The following AASS variants were observed in gnomAD, a reference collection of about 807,000 sequenced individuals.
The protein encoded by AASS is aminoadipate-semialdehyde synthase, also known as alpha-aminoadipic semialdehyde synthase, mitochondrial.
In AASS, 86 loss-of-function variants were observed where a neutral mutation model predicts 105.4. The ratio of observed to expected loss-of-function variants is 0.82; its 90% CI spans 0.69 to 0.98. The LOEUF is 0.98. AASS is among the 50% of genes least tolerant of loss of function. AASS has a pLI of 0.00. For missense variants in AASS, 1,048 were observed against 1,143.2 expected, an observed-to-expected ratio of 0.92 and a Z score of 1.20; for synonymous variants, 381 against 394.8, an observed-to-expected ratio of 0.96 and a Z score of 0.41.
intron 1 of AASS, among the ~76,000 whole-genome samples, chr7:122,134,595 A>G (rs10488107): frequency 0.22 from 33,908 of 151,920 alleles, 4,015 homozygotes; most frequent in African/African-American, 0.31. Context: ...CCACAAGATC[A>G]TTTTTTCTAG....
chr7:122,089,215 T>A (rs1793780431), intron 18 of AASS, among the ~76,000 whole-genome samples: 1 of 152,096 alleles, frequency 6.6e-6, no homozygotes, highest in Admixed American at 6.6e-5. Context: ...AGAAACAGAC[T>A]GATACACTTG....
chr7:122,083,150 C>G (rs1382141103), intron 19 of AASS, among the ~76,000 whole-genome samples: 1 of 152,126 alleles, frequency 6.6e-6, no homozygotes, highest in East Asian at 1.9e-4. Context: ...TACTGAATGT[C>G]TGGCCAACTA....
chr7:122,087,919 G>A (rs1467706289), intron 18 of AASS, among the ~76,000 whole-genome samples: 2 of 152,148 alleles, frequency 1.3e-5, no homozygotes, highest in Non-Finnish European at 2.9e-5. Flanking sequence ...AGAAATGTCA[G>A]CTGAATGGCA....
chr7:122,086,802 C>T (rs1793649523), intron 18 of AASS, among the ~76,000 whole-genome samples: 1 of 152,134 alleles, frequency 6.6e-6, no homozygotes, highest in Non-Finnish European at 1.5e-5. Context: ...ACTATCTATG[C>T]ATTGAAGATC....
chr7:122,122,117 AT>A (rs1795466019), intron 4 of AASS, among the ~76,000 whole-genome samples: 1 of 152,046 alleles, frequency 6.6e-6, no homozygotes, highest in South Asian at 2.1e-4. Flanking sequence ...TAGCAAGACA[AT>A]TATGATGGTT....
chr7:122,093,364 G>T (rs1412022252), intron 15 of AASS, among the ~76,000 whole-genome samples: 1 of 152,164 alleles, frequency 6.6e-6, no homozygotes, highest in Non-Finnish European at 1.5e-5. Context: ...AAGAGCTAAA[G>T]GTTGAACTAT....
intron 4 of AASS, among the ~76,000 whole-genome samples, chr7:122,120,915 G>A (rs1436022814): frequency 6.6e-6 from 1 of 151,922 alleles, no homozygotes; most frequent in East Asian, 1.9e-4. Flanking sequence ...AATACATACT[G>A]TATGATTTCA....
At chr7:122,081,623 T>A (rs1230269009) in intron 19 of AASS, 28 bp from the exon 20 acceptor site, 3 of 1,537,576 alleles carry the variant, frequency 2.0e-6, no homozygotes, top group East Asian at 2.2e-5. Context: ...AAGCAGTATA[T>A]AAAATTTTTC....
intron 13 of AASS, 140 bp from the exon 14 acceptor site, chr7:122,099,006 T>C: frequency 2.1e-6 from 2 of 938,064 alleles, no homozygotes; most frequent in Non-Finnish European, 3.0e-6. Context: ...TTACTTAAAA[T>C]AAGAATTTCA....
In AASS at chr7:122,075,171, AC is replaced by A. The variant is rs1792944491; in HGVS notation, c.*1317del. ...TTACAGGCACAAGCCACCAAGCTTG[AC>A]CATTGTTGAAAATTAAATTGTTTTC... On this transcript the variant is annotated 3_prime_UTR_variant, in exon 24 of 24. Transcript: ENST00000417368. Among the ~76,000 whole-genome samples, 1 of 152,154 alleles carries A rather than the reference AC, an allele frequency of 6.6e-6. No homozygotes were observed. The highest frequency in any genetic ancestry group is 2.4e-5 in the African/African-American group (1 of 41,434).
chr7:122,117,865 A>G (rs1300173766), intron 6 of AASS, among the ~76,000 whole-genome samples: 1 of 152,024 alleles, frequency 6.6e-6, no homozygotes, highest in Non-Finnish European at 1.5e-5. Context: ...CATATTGGCC[A>G]GGTTGGCCTC....
In AASS at chr7:122,098,442, A is replaced by T. The variant is rs755010221; in HGVS notation, c.1655+8T>A. The T allele has an allele frequency of 5.6e-6, 9 of 1,611,808 alleles. No homozygotes were observed. Among genetic ancestry groups the T allele is most frequent in the Non-Finnish European group, 7.6e-6 (9 of 1,178,574 alleles). Reference sequence around the variant, plus strand: ...AAATATGAAACTCATTTCTTGCCAGATACTGACCTGATGACAAGATCCTGT... The same window carrying T: ...AAATATGAAACTCATTTCTTGCCAGTTACTGACCTGATGACAAGATCCTGT... On this transcript the variant is annotated splice_region_variant and intron_variant, in intron 15 of 23. Transcript: ENST00000417368.
intron 11 of AASS, among the ~76,000 whole-genome samples, chr7:122,108,472 A>C (rs1264905931): frequency 1.3e-5 from 2 of 152,126 alleles, no homozygotes; most frequent in African/African-American, 2.4e-5. Flanking sequence ...AAGAGCATTC[A>C]CCATAATAAA....
chr7:122,111,303 A>G (rs1794921983), intron 11 of AASS, among the ~76,000 whole-genome samples: 1 of 152,236 alleles, frequency 6.6e-6, no homozygotes, highest in Admixed American at 6.5e-5. Context: ...TGGAAATTCT[A>G]GAACTGAAAA....
intron 11 of AASS, among the ~76,000 whole-genome samples, chr7:122,105,672 G>C (rs771688578): frequency 4.6e-5 from 7 of 151,972 alleles, no homozygotes; most frequent in Non-Finnish European, 5.9e-5. Context: ...AAAATTTCTA[G>C]AGACAAATGA....
intron 2 of AASS, 24 bp downstream of exon 2, chr7:122,133,493 C>T: frequency 1.2e-6 from 2 of 1,611,560 alleles, no homozygotes; most frequent in Non-Finnish European, 1.7e-6. Context: ...TTTATTCTCA[C>T]ATAAAAATAT....
Position 122,079,660 on chromosome 7 carries a change from ACAT to A in AASS, c.2330_2332del (p.Asp777del). ...TTTCTTAAGAACAGCTTCCTTCAAC[ACAT>A]CATGCTCAGAGGAGGGTGAAATCCC... On this transcript the variant is annotated inframe_deletion, in exon 21 of 24. Coordinates refer to ENST00000417368, the MANE Select transcript of AASS (RefSeq NM_005763.4). The A allele has an allele frequency of 3.7e-6, 6 of 1,614,022 alleles. No individual in the cohort carries two copies. Among genetic ancestry groups the A allele is most frequent in the Non-Finnish European group, 5.1e-6 (6 of 1,179,940 alleles).
chr7:122,142,842 C>T (rs1478619553), intron 1 of AASS, among the ~76,000 whole-genome samples: 1 of 152,148 alleles, frequency 6.6e-6, no homozygotes, highest in Non-Finnish European at 1.5e-5. Flanking sequence ...TTCCAAAATT[C>T]CGAACCAAGG....
intron 1 of AASS, among the ~76,000 whole-genome samples, chr7:122,137,419 C>T (rs1301258876): frequency 6.6e-6 from 1 of 152,170 alleles, no homozygotes; most frequent in Non-Finnish European, 1.5e-5. Flanking sequence ...AAATCAGATC[C>T]ATATGGCTTT....
Sources: gnomAD v4.1 joint callset for allele counts (sites outside exome capture counted in the v4.1 genomes callset) on GRCh38, gnomAD v4.1.1 for gene constraint, MANE v1.5 for transcripts, NCBI Gene and HGNC (gene_info 2026-07-23, HGNC 2026-07-21) for gene names.